Variants in NRG2 observed in about 807,000 individuals in gnomAD.
The protein encoded by NRG2 is neuregulin 2, also known as pro-neuregulin-2, membrane-bound isoform.
Under a neutral mutation model 73.9 loss-of-function variants are expected in NRG2, and 27 were observed. The ratio of observed to expected loss-of-function variants is 0.37; its 90% confidence interval spans 0.27 to 0.50. NRG2 has a LOEUF of 0.50. Ranked by LOEUF, NRG2 falls within the 20% of genes least tolerant of loss-of-function variation. The pLI is 0.96. For synonymous variants in NRG2, 532 were observed against 541.0 expected (o/e 0.98, Z 0.23); for missense variants, 1,126 against 1,210.1 (o/e 0.93, Z 1.03).
intron 5 of NRG2, among the ~76,000 whole-genome samples, chr5:139,859,006 G>A (rs1761975013): frequency 6.6e-6 from 1 of 152,118 alleles, no homozygotes; most frequent in South Asian, 2.1e-4. Flanking sequence ...TCTGCACCAT[G>A]TCTGAGATCC....
intron 1 of NRG2, among the ~76,000 whole-genome samples, chr5:139,981,935 G>A (rs1468645948): frequency 6.6e-6 from 1 of 152,146 alleles, no homozygotes. Flanking sequence ...GAATGACAGT[G>A]GTCTCTAGGG....
rs759946618 is a variant in NRG2, at chr5:139,887,381, G to A, written c.831C>T (p.Leu277=). The A allele has an allele frequency of 5.0e-6, 8 of 1,614,108 alleles. No homozygotes were observed. The East Asian group carries it at 1.6e-4, about 31-fold the overall frequency. ...TGATGCGAATGTCTCGGCTGCGGTT[G>A]AGCTCCTTGCCATCCTTGAACCAAC... ...SYRWFKDGKE[L]NRSRDIRIKY... Residue 277 remains leucine, a synonymous_variant, in exon 2 of 10, where the codon CTC becomes CTT. Coordinates refer to ENST00000361474, the MANE Select transcript of NRG2 (RefSeq NM_004883.3). This position sits in a 1 kb window ranked among gnomAD's most constrained non-coding sequence, Gnocchi z 4.5.
At chr5:139,941,224 T>C (rs1033199409) in intron 1 of NRG2, among the ~76,000 whole-genome samples, 1 of 152,144 alleles carries the variant, frequency 6.6e-6, no homozygotes, top group African/African-American at 2.4e-5. Context: ...TTCGACTTCA[T>C]GGGCCAAAAG....
chr5:139,879,611 C>T (rs766779741), intron 3 of NRG2, among the ~76,000 whole-genome samples: 1 of 152,140 alleles, frequency 6.6e-6, no homozygotes, highest in East Asian at 1.9e-4. Context: ...ATCATTTAGG[C>T]CAGGGTGTTG....
chr5:139,926,170 G>A lies in NRG2; in HGVS notation c.701-38659C>T, dbSNP rs537043476. The stretch of plus-strand genomic sequence containing the variant: ...CCACAAGATGAACACGCGAAGATTT[G>A]CTTCTTTGGGTCTCCAAGAGGTGAT... On this transcript the variant is annotated intron_variant, in intron 1 of 9. Transcript: ENST00000361474. 2.6e-5 allele frequency among the ~76,000 whole-genome samples: 4 copies of A among 152,346 alleles called. No individual in the cohort carries two copies. In the East Asian group the frequency reaches 7.7e-4, roughly 29 times the overall value.
At chr5:139,943,533 T>C (rs1039334108) in intron 1 of NRG2, among the ~76,000 whole-genome samples, 1 of 152,228 alleles carries the variant, frequency 6.6e-6, no homozygotes, top group African/African-American at 2.4e-5. Flanking sequence ...TTCTTGTCTG[T>C]GAGCTGGGAA....
intron 1 of NRG2, among the ~76,000 whole-genome samples, chr5:139,941,587 CT>C (rs747847261): frequency 1.3e-5 from 2 of 152,120 alleles, no homozygotes; most frequent in Non-Finnish European, 2.9e-5. Context: ...ATATTCATCA[CT>C]TGGAAGGCAT....
chr5:139,953,098 A>G (rs532717790), intron 1 of NRG2, among the ~76,000 whole-genome samples: 7 of 152,270 alleles, frequency 4.6e-5, no homozygotes, highest in African/African-American at 1.7e-4. Flanking sequence ...CCTCTGACAC[A>G]CTTTCTGGGA....
intron 1 of NRG2, among the ~76,000 whole-genome samples, chr5:139,933,096 G>A (rs1024783704): frequency 6.6e-6 from 1 of 152,128 alleles, no homozygotes; most frequent in Non-Finnish European, 1.5e-5. Context: ...CCAACATGGT[G>A]AAACCCTGTC....
At chr5:139,976,893 G>A (rs1756418628) in intron 1 of NRG2, among the ~76,000 whole-genome samples, 1 of 152,216 alleles carries the variant, frequency 6.6e-6, no homozygotes, top group Non-Finnish European at 1.5e-5. Context: ...AGAGCCCATA[G>A]TTAAAGTGCT....
At chr5:139,930,353 G>T (rs1003851431) in intron 1 of NRG2, among the ~76,000 whole-genome samples, 1 of 152,162 alleles carries the variant, frequency 6.6e-6, no homozygotes, top group African/African-American at 2.4e-5. Context: ...TGTCTATAAG[G>T]CACGGAAAAC....
chr5:139,987,137 C>T (rs937461447), intron 1 of NRG2, among the ~76,000 whole-genome samples: 1 of 151,362 alleles, frequency 6.6e-6, no homozygotes, highest in African/African-American at 2.4e-5. Flanking sequence ...TTTGGGAGGC[C>T]GAGGCGGGCA....
intron 1 of NRG2, among the ~76,000 whole-genome samples, chr5:139,998,315 C>A (rs996559447): frequency 6.6e-6 from 1 of 152,142 alleles, no homozygotes; most frequent in African/African-American, 2.4e-5. Flanking sequence ...GAACAAAACC[C>A]CAGAGGGCTG....
At chr5:139,866,577 G>A (rs1041974031) in intron 4 of NRG2, among the ~76,000 whole-genome samples, 1 of 152,146 alleles carries the variant, frequency 6.6e-6, no homozygotes, top group Non-Finnish European at 1.5e-5. Flanking sequence ...GAGCAGGCTC[G>A]CTGGGGGACC....
At chr5:139,861,342 G>T (rs1296288171) in intron 5 of NRG2, among the ~76,000 whole-genome samples, 2 of 152,200 alleles carry the variant, frequency 1.3e-5, no homozygotes, top group Non-Finnish European at 2.9e-5. Flanking sequence ...GTGGCAATCC[G>T]CAGGAAGTCC....
At chr5:140,012,768 TC>T (rs1759464958) in intron 1 of NRG2, among the ~76,000 whole-genome samples, 1 of 152,172 alleles carries the variant, frequency 6.6e-6, no homozygotes, top group Admixed American at 6.5e-5. Flanking sequence ...TGTTCTTTCT[TC>T]CCTTCTCTTT....
chr5:140,041,142 C>A (rs155945), intron 1 of NRG2, among the ~76,000 whole-genome samples: 1 of 152,170 alleles, frequency 6.6e-6, no homozygotes, highest in Admixed American at 6.5e-5. Flanking sequence ...GCTACTCAAA[C>A]AAAGCCTGTC....
At chr5:140,035,947 C>T (rs2916093) in intron 1 of NRG2, among the ~76,000 whole-genome samples, 113,276 of 152,088 alleles carry the variant, frequency 0.74, 42,260 homozygotes, top group East Asian at 0.83. Flanking sequence ...AATACAGAAA[C>T]TTTCTACAGT....
Position 139,904,270 on chromosome 5 carries a change from G to A in NRG2, c.701-16759C>T, listed in dbSNP as rs774547165. The A allele has an allele frequency of 6.3e-7, 1 of 1,577,816 alleles. No homozygotes were observed. The highest frequency in any genetic ancestry group is 8.5e-7 in the Non-Finnish European group (1 of 1,170,810). Reference sequence around the variant, plus strand: ...GTGAGCGGGCGGCAGGTTTCTCCCAGGGAAACCGGGTTTCTGGGCGCGCGG... The same window carrying A: ...GTGAGCGGGCGGCAGGTTTCTCCCAAGGAAACCGGGTTTCTGGGCGCGCGG... On this transcript the variant is annotated intron_variant, in intron 1 of 9. Coordinates refer to ENST00000361474, the MANE Select transcript of NRG2 (RefSeq NM_004883.3). This position sits in a 1 kb window ranked among gnomAD's most constrained non-coding sequence, Gnocchi z 6.0.
Sources: gnomAD v4.1 joint callset for allele counts (sites outside exome capture counted in the v4.1 genomes callset) on GRCh38, gnomAD v4.1.1 for gene constraint, Gnocchi (gnomAD v3.1) non-coding constraint, MANE v1.5 for transcripts, NCBI Gene and HGNC (gene_info 2026-07-23, HGNC 2026-07-21) for gene names.